CYP2B6: variants seen among roughly 807,000 people sequenced by gnomAD.
CYP2B6 encodes the protein cytochrome P450 family 2 subfamily B member 6.
In CYP2B6, 35 loss-of-function variants were observed where a neutral mutation model predicts 43.4. That is an observed-to-expected ratio of 0.81 (90% CI 0.62 to 1.07). CYP2B6 has a LOEUF of 1.07. Ranked by LOEUF, CYP2B6 falls within the 50% of genes least tolerant of loss-of-function variation. CYP2B6 has a pLI of 0.00. For missense variants in CYP2B6, 624 were observed against 632.8 expected (o/e 0.99, Z 0.15); for synonymous variants, 239 against 239.2 (o/e 1.00, Z 0.01).
intron 8 of CYP2B6, among the ~76,000 whole-genome samples, chr19:41,013,279 G>A (rs1364166361): frequency 6.6e-6 from 1 of 152,130 alleles, no homozygotes; most frequent in Non-Finnish European, 1.5e-5. Flanking sequence ...AGAACTGCCT[G>A]GCACAAAGGA....
intron 1 of CYP2B6, among the ~76,000 whole-genome samples, chr19:40,998,172 C>G (rs16974799): frequency 6.6e-6 from 1 of 151,844 alleles, no homozygotes; most frequent in Non-Finnish European, 1.5e-5. Context: ...AAATGCTGGT[C>G]AAAGACATCC....
At chr19:41,002,351 T>C (rs957294128) in intron 1 of CYP2B6, among the ~76,000 whole-genome samples, 14 of 152,090 alleles carry the variant, frequency 9.2e-5, no homozygotes, top group African/African-American at 3.4e-4. Flanking sequence ...TATGTCAAGT[T>C]TTTATTGAAC....
rs1482070693 is a variant in CYP2B6, at chr19:41,006,900, C to T, written c.485-5C>T. ...CTGTGTCCTTGACCTGCTGCTTCTT[C>T]CTAGGGGCCCTCATGGACCCCACCT... On this transcript the variant is annotated splice_polypyrimidine_tract_variant and splice_region_variant and intron_variant, in intron 3 of 8. Coordinates refer to ENST00000324071, the MANE Select transcript of CYP2B6 (RefSeq NM_000767.5). 3 of 1,613,154 alleles carry T rather than the reference C, an allele frequency of 1.9e-6. No individual in the cohort carries two copies. The highest frequency in any genetic ancestry group is 1.7e-6 in the Non-Finnish European group (2 of 1,179,954).
chr19:40,999,933 A>G (rs1246465475), intron 1 of CYP2B6, among the ~76,000 whole-genome samples: 1 of 152,082 alleles, frequency 6.6e-6, no homozygotes, highest in African/African-American at 2.4e-5. Context: ...GACTCAAGCA[A>G]TCCTCCTGCC....
chr19:40,994,785 C>T (rs1968976980), intron 1 of CYP2B6, among the ~76,000 whole-genome samples: 1 of 152,020 alleles, frequency 6.6e-6, no homozygotes, highest in South Asian at 2.1e-4. Context: ...ATGTTATTAG[C>T]TAGTTAATAG....
intron 1 of CYP2B6, among the ~76,000 whole-genome samples, chr19:40,998,637 T>C (rs1280456273): frequency 7.1e-6 from 1 of 141,282 alleles, no homozygotes; most frequent in Non-Finnish European, 1.5e-5. Context: ...TGTGATCTCA[T>C]TGTTCAATTC....
rs779653289 is a variant in CYP2B6, at chr19:41,006,957, C to A, written c.537C>A (p.Ile179=). Residue 179 remains isoleucine (I), a synonymous_variant, in exon 4 of 9, where the codon ATC becomes ATA. Coordinates refer to ENST00000324071, the MANE Select transcript of CYP2B6 (RefSeq NM_000767.5). The part of the protein sequence containing the change: ...FLFQSITANI[I]CSIVFGKRFH... ...TCCAGTCCATTACCGCCAACATCATCTGCTCCATCGTCTTTGGAAAACGAT... is the reference window on the plus strand; with the variant it reads ...TCCAGTCCATTACCGCCAACATCATATGCTCCATCGTCTTTGGAAAACGAT... 6.2e-7 allele frequency: 1 copy of A among 1,614,106 alleles called. No individual in the cohort carries two copies. Among genetic ancestry groups the A allele is most frequent in the African/African-American group, 1.3e-5 (1 of 74,968 alleles).
At position 41,012,739 on chromosome 19, in the gene CYP2B6, C is replaced by A. The variant is rs35661880; in HGVS notation, c.1218C>A (p.Asp406Glu). Reference sequence around the variant, plus strand: ...ACCCACACTACTTTGAAAAACCAGACGCCTTCAATCCTGACCACTTTCTGG... The same window carrying A: ...ACCCACACTACTTTGAAAAACCAGAAGCCTTCAATCCTGACCACTTTCTGG... The part of the protein sequence containing the change: ...LHDPHYFEKP[D>E]AFNPDHFLDA... The change falls in exon 8 of 9, where the codon GAC (aspartate) becomes GAA (glutamate). Residue 406 changes from aspartate (D) to glutamate (E), a missense_variant. Transcript: ENST00000324071. 1.9e-6 allele frequency: 3 copies of A among 1,613,732 alleles called. No individual in the cohort carries two copies. The highest frequency in any genetic ancestry group is 1.3e-5 in the African/African-American group (1 of 74,712).
chr19:40,992,945 A>T (rs2144655775), intron 1 of CYP2B6, among the ~76,000 whole-genome samples: 1 of 152,240 alleles, frequency 6.6e-6, no homozygotes, highest in Non-Finnish European at 1.5e-5. Context: ...GGGGGTATAG[A>T]TAAGGTCCAC....
chr19:40,996,141 T>C (rs918206318), intron 1 of CYP2B6, among the ~76,000 whole-genome samples: 10 of 152,050 alleles, frequency 6.6e-5, no homozygotes, highest in African/African-American at 2.4e-4. Context: ...TTGGGGAGTA[T>C]AGGTAAGGTC....
At position 41,017,052 on chromosome 19, in the gene CYP2B6, T is replaced by C; in HGVS notation, c.*225T>C. On this transcript the variant is annotated 3_prime_UTR_variant, in exon 9 of 9. Transcript: ENST00000324071. ...CAAAATCATATATATATATATGTTC[T>C]TGTTTTTTGAGACAGAGTCTCACAC... The C allele has an allele frequency of 7.8e-6, 3 of 383,666 alleles. No individual in the cohort carries two copies. Among genetic ancestry groups the C allele is most frequent in the South Asian group, 7.7e-5 (2 of 25,932 alleles). The allele number at this position is 383,666 out of a possible 1,614,324, so 23.8% of individuals were successfully genotyped here. A position where few individuals can be genotyped will look rare whatever the true frequency, so the allele number is the denominator to read the frequency against.
In CYP2B6 at chr19:41,016,738, G is replaced by A. The variant is rs373442191; in HGVS notation, c.1387G>A (p.Val463Met). 2.1e-5 allele frequency: 34 copies of A among 1,614,044 alleles called. No homozygotes were observed. Among genetic ancestry groups the A allele is most frequent in the East Asian group, 4.5e-5 (2 of 44,890 alleles). ...ILQNFSMASP[V>M]APEDIDLTPQ... Reference sequence around the variant, plus strand: ...CCAGAACTTCTCCATGGCCAGCCCCGTGGCCCCAGAAGACATCGATCTGAC... The same window carrying A: ...CCAGAACTTCTCCATGGCCAGCCCCATGGCCCCAGAAGACATCGATCTGAC... The change falls in exon 9 of 9, where the codon GTG becomes ATG. Residue 463 changes from valine (V) to methionine (M), a missense_variant. Physicochemically the swap from Val to Met is conservative, Grantham distance 21 (BLOSUM62 1). Coordinates refer to ENST00000324071, the MANE Select transcript of CYP2B6 (RefSeq NM_000767.5).
intron 8 of CYP2B6, among the ~76,000 whole-genome samples, chr19:41,013,678 G>A (rs998705028): frequency 6.6e-6 from 1 of 152,208 alleles, no homozygotes; most frequent in Admixed American, 6.5e-5. Flanking sequence ...AGGTGGAAAA[G>A]GTCTTGACGT....
intron 8 of CYP2B6, among the ~76,000 whole-genome samples, chr19:41,015,695 CT>C (rs548608592): frequency 1.2e-3 from 190 of 152,228 alleles, no homozygotes; most frequent in African/African-American, 4.4e-3. Flanking sequence ...TACAATTGGG[CT>C]TTTCCCCCCT....
chr19:41,001,484 T>C (rs1454801310), intron 1 of CYP2B6, among the ~76,000 whole-genome samples: 1 of 152,114 alleles, frequency 6.6e-6, no homozygotes, highest in Non-Finnish European at 1.5e-5. Context: ...TTCTTTTTGA[T>C]GTCAGAGGGA....
At chr19:40,993,032 G>A (rs1316004249) in intron 1 of CYP2B6, among the ~76,000 whole-genome samples, 2 of 152,046 alleles carry the variant, frequency 1.3e-5, no homozygotes, top group Admixed American at 6.6e-5. Context: ...GATCAAAATC[G>A]AATAATTCGA....
intron 1 of CYP2B6, among the ~76,000 whole-genome samples, chr19:41,002,538 T>A (rs1337739723): frequency 6.6e-6 from 1 of 152,032 alleles, no homozygotes; most frequent in Non-Finnish European, 1.5e-5. Flanking sequence ...TGTATGAACT[T>A]CTTTTTTGTT....
chr19:41,005,614 G>C (rs568307004), intron 3 of CYP2B6, among the ~76,000 whole-genome samples: 198 of 151,946 alleles, frequency 1.3e-3, no homozygotes, highest in African/African-American at 4.6e-3. Context: ...AACCCCATCT[G>C]TGCTAAAAAT....
Position 41,004,419 on chromosome 19 carries a change from C to G in CYP2B6, c.457C>G (p.Leu153Val). 2 of 1,613,814 alleles carry G rather than the reference C, an allele frequency of 1.2e-6. No homozygotes were observed. The highest frequency in any genetic ancestry group is 1.7e-5 in the Admixed American group (1 of 59,976). ...GCGGATTCAGGAGGAGGCTCAGTGT[C>G]TGATAGAGGAGCTTCGGAAATCCAA... Reference protein sequence around the residue: ...EERIQEEAQCLIEELRKSKGA... With the variant: ...EERIQEEAQCVIEELRKSKGA... The change falls in exon 3 of 9, where the codon CTG becomes GTG. Residue 153 changes from leucine to valine, a missense_variant. By Grantham distance (32) the Leu-to-Val change is conservative. Transcript: ENST00000324071.
Sources: gnomAD v4.1 joint callset for allele counts (sites outside exome capture counted in the v4.1 genomes callset) on GRCh38, gnomAD v4.1.1 for gene constraint, MANE v1.5 for transcripts, NCBI Gene and HGNC (gene_info 2026-07-23, HGNC 2026-07-21) for gene names.